CWC27: variants seen among roughly 807,000 people sequenced by gnomAD.
CWC27 encodes the protein spliceosome-associated protein CWC27 homolog.
Under a neutral mutation model 63.6 loss-of-function variants are expected in CWC27, and 47 were observed. The ratio of observed to expected loss-of-function variants is 0.74; its 90% CI spans 0.58 to 0.94. The LOEUF (loss-of-function observed/expected upper bound fraction) is 0.94, where lower values mean the gene tolerates loss of function less well. CWC27 is among the 40% of genes least tolerant of loss of function. The pLI is 0.00. For missense variants in CWC27, 495 were observed against 554.3 expected (o/e 0.89, Z 1.07); for synonymous variants, 175 against 179.8 (o/e 0.97, Z 0.22).
chr5:64,965,530 CAG>C (rs1442238833), intron 11 of CWC27, among the ~76,000 whole-genome samples: 1 of 152,100 alleles, frequency 6.6e-6, no homozygotes, highest in African/African-American at 2.4e-5. Flanking sequence ...ATATAATAAA[CAG>C]GGGTAGATGG....
At chr5:64,930,428 A>T (rs1167760095) in intron 11 of CWC27, among the ~76,000 whole-genome samples, 2 of 152,132 alleles carry the variant, frequency 1.3e-5, no homozygotes, top group Non-Finnish European at 2.9e-5. Context: ...AATCATTGAA[A>T]CCAATAAAAA....
At chr5:64,947,671 C>G (rs994445897) in intron 11 of CWC27, among the ~76,000 whole-genome samples, 1 of 152,078 alleles carries the variant, frequency 6.6e-6, no homozygotes, top group East Asian at 1.9e-4. Context: ...AATTTCAGCT[C>G]ATTCAGCATA....
chr5:64,862,756 A>T (rs1746442444), intron 10 of CWC27, among the ~76,000 whole-genome samples: 1 of 152,096 alleles, frequency 6.6e-6, no homozygotes, highest in South Asian at 2.1e-4. Flanking sequence ...AAATACCATC[A>T]ACTGGGTGGC....
Position 64,788,986 on chromosome 5 carries a change from A to C in CWC27, c.635A>C (p.Glu212Ala). 6.2e-7 allele frequency: 1 copy of C among 1,602,860 alleles called. No homozygotes were observed. The highest frequency in any genetic ancestry group is 8.5e-7 in the Non-Finnish European group (1 of 1,174,772). The change falls in exon 7 of 14, where the codon GAG becomes GCG. Residue 212 changes from glutamate to alanine, a missense_variant. This residue lies in a region of CWC27 where 463 missense variants were observed against 498.1 expected (regional missense o/e 0.93). Coordinates refer to ENST00000381070, the MANE Select transcript of CWC27 (RefSeq NM_005869.4). ...FSLLSFGEEA[E>A]EEEEEVNRVS... The stretch of plus-strand genomic sequence containing the variant: ...TTACTTTCATTTGGAGAGGAAGCTG[A>C]GGAAGAAGAGGAGGAAGTAAATCGA...
intron 7 of CWC27, among the ~76,000 whole-genome samples, chr5:64,798,738 A>G (rs61165787): frequency 0.39 from 58,554 of 152,028 alleles, 12,298 homozygotes; most frequent in African/African-American, 0.54. Context: ...AAGGAAAAGA[A>G]GTGTTTTCAT....
chr5:64,858,838 A>T (rs930843145), intron 10 of CWC27, among the ~76,000 whole-genome samples: 5 of 152,318 alleles, frequency 3.3e-5, no homozygotes, highest in Admixed American at 2.0e-4. Context: ...CAGTCTTTAT[A>T]AAGTTAAACA....
chr5:65,017,303 A>G (rs951344532), intron 13 of CWC27, among the ~76,000 whole-genome samples: 3 of 152,170 alleles, frequency 2.0e-5, no homozygotes, highest in Non-Finnish European at 4.4e-5. Context: ...CCTGGGCAAC[A>G]GAGTGAGACT....
chr5:64,844,264 C>A (rs1012998071), intron 10 of CWC27, among the ~76,000 whole-genome samples: 2 of 152,120 alleles, frequency 1.3e-5, no homozygotes, highest in East Asian at 1.9e-4. Context: ...TGCCTGGAGT[C>A]GGGTAGAAAT....
chr5:64,892,034 A>T (rs1747251840), intron 11 of CWC27, among the ~76,000 whole-genome samples: 1 of 152,134 alleles, frequency 6.6e-6, no homozygotes, highest in African/African-American at 2.4e-5. Flanking sequence ...ACCTTAGGTG[A>T]TCCGGCTGCC....
chr5:64,936,809 C>A (rs1047350807), intron 11 of CWC27, among the ~76,000 whole-genome samples: 1 of 152,034 alleles, frequency 6.6e-6, no homozygotes, highest in Non-Finnish European at 1.5e-5. Flanking sequence ...GATTTGACTT[C>A]TTTCTGGTTT....
Position 64,804,356 on chromosome 5 carries a change from G to C in CWC27, c.908G>C (p.Gly303Ala). ...TSANVKSAGEGEVEKKSVSRS... is the reference protein window; with the variant it reads ...TSANVKSAGEAEVEKKSVSRS... ...GCGAATGTTAAATCAGCTGGAGAAG[G>C]AGAAGTGGAGAAGAAATCAGTCAGC... The change falls in exon 10 of 14, where the codon GGA (glycine) becomes GCA (alanine). Residue 303 changes from glycine (G) to alanine (A), a missense_variant. Around this residue, in one of 3 missense-constraint regions of CWC27, gnomAD observed 463 missense variants for 498.1 expected, o/e 0.93. Coordinates refer to ENST00000381070, the MANE Select transcript of CWC27 (RefSeq NM_005869.4). The C allele has an allele frequency of 2.5e-6, 4 of 1,611,516 alleles. No homozygotes were observed. The highest frequency in any genetic ancestry group is 3.4e-6 in the Non-Finnish European group (4 of 1,178,964).
At chr5:64,900,375 T>G (rs533082786) in intron 11 of CWC27, among the ~76,000 whole-genome samples, 4 of 152,370 alleles carry the variant, frequency 2.6e-5, no homozygotes, top group African/African-American at 9.6e-5. Flanking sequence ...GCAGTATATA[T>G]TCAACTCTTT....
chr5:64,876,551 T>G (rs1196980212), intron 10 of CWC27, among the ~76,000 whole-genome samples: 1 of 152,092 alleles, frequency 6.6e-6, no homozygotes. Flanking sequence ...GCAAGTTCAT[T>G]TACCATCATA....
chr5:64,875,552 G>A (rs922594499), intron 10 of CWC27, among the ~76,000 whole-genome samples: 1 of 152,056 alleles, frequency 6.6e-6, no homozygotes, highest in Admixed American at 6.6e-5. Context: ...TACCTTTTCA[G>A]CTAGGTTATA....
intron 13 of CWC27, 77 bp from the exon 14 acceptor site, chr5:65,018,082 C>A: frequency 8.0e-7 from 1 of 1,255,254 alleles, no homozygotes; most frequent in Non-Finnish European, 1.1e-6. Flanking sequence ...TTCATTATGT[C>A]GATGATAGTA....
At chr5:64,919,365 T>G (rs902111130) in intron 11 of CWC27, among the ~76,000 whole-genome samples, 2 of 152,162 alleles carry the variant, frequency 1.3e-5, no homozygotes, top group African/African-American at 4.8e-5. Flanking sequence ...CTTTTCTACT[T>G]TTATTTTAGG....
chr5:64,939,540 G>T (rs1201312607), intron 11 of CWC27, among the ~76,000 whole-genome samples: 1 of 152,210 alleles, frequency 6.6e-6, no homozygotes, highest in Non-Finnish European at 1.5e-5. Context: ...TCTCCTGTAT[G>T]AGGTTTCTGA....
intron 10 of CWC27, among the ~76,000 whole-genome samples, chr5:64,875,449 A>T (rs189208670): frequency 1.3e-5 from 2 of 152,268 alleles, no homozygotes; most frequent in African/African-American, 4.8e-5. Context: ...ACCTTTCAGG[A>T]TCACTTAGAC....
intron 10 of CWC27, among the ~76,000 whole-genome samples, chr5:64,868,553 C>T (rs1453645216): frequency 1.3e-5 from 2 of 151,916 alleles, no homozygotes; most frequent in African/African-American, 4.8e-5. Flanking sequence ...AGGTGTAGGC[C>T]CCACCCCAAA....
Sources: allele counts gnomAD v4.1 joint callset (sites outside exome capture counted in the v4.1 genomes callset), GRCh38; gene constraint gnomAD v4.1.1; regional missense constraint gnomAD v4.1.1; transcripts MANE v1.5; gene names NCBI Gene and HGNC (gene_info 2026-07-23, HGNC 2026-07-21).